The following TRPM7 variants were observed in gnomAD, a reference collection of about 807,000 sequenced individuals.
TRPM7 encodes LTRPC ion channel family member 7.
TRPM7 carries 134 observed loss-of-function variants against 229.7 expected under a neutral mutation model. The ratio of observed to expected loss-of-function variants is 0.58; its 90% CI spans 0.51 to 0.67. TRPM7 has a LOEUF of 0.67. TRPM7 is among the 30% of genes least tolerant of loss of function. The pLI is 0.00. For missense variants in TRPM7, 1,901 were observed against 2,210.0 expected (o/e 0.86, Z 2.80); for synonymous variants, 699 against 715.2 (o/e 0.98, Z 0.36).
rs779730661 is a variant in TRPM7, at chr15:50,614,232, A to G, written c.1526T>C (p.Leu509Pro). The G allele has an allele frequency of 1.2e-6, 2 of 1,610,354 alleles. No individual in the cohort carries two copies. The highest frequency in any genetic ancestry group is 1.7e-5 in the Admixed American group (1 of 58,786). ...TTCAATAACAAGTCCTATATCAATC[A>G]GAGTGATCTTATATCCTGGAGGAAG... Reference protein sequence around the residue: ...GNLPPGYKITLIDIGLVIEYL... With the variant: ...GNLPPGYKITPIDIGLVIEYL... The change falls in exon 14 of 39, where the codon CTG (leucine) becomes CCG (proline). Residue 509 changes from leucine to proline, a missense_variant. Coordinates refer to ENST00000646667, the MANE Select transcript of TRPM7 (RefSeq NM_017672.6).
At chr15:50,578,694 G>A (rs1283835145) in intron 30 of TRPM7, 30 bp from the exon 31 acceptor site, 4 of 1,542,668 alleles carry the variant, frequency 2.6e-6, no homozygotes, top group African/African-American at 2.7e-5. Flanking sequence ...TATAGTATAA[G>A]CTGTGCTATG....
intron 30 of TRPM7, 86 bp downstream of exon 30, chr15:50,580,788 A>G: frequency 8.1e-7 from 1 of 1,240,222 alleles, no homozygotes; most frequent in Middle Eastern, 2.0e-4. Flanking sequence ...AGAAATGTTA[A>G]AGAGATGATG....
chr15:50,648,635 T>A, intron 4 of TRPM7, 52 bp downstream of exon 4: 2 of 1,490,616 alleles, frequency 1.3e-6, no homozygotes, highest in East Asian at 2.3e-5. Context: ...AATTGTGATG[T>A]TTATTATTTA....
intron 27 of TRPM7, among the ~76,000 whole-genome samples, chr15:50,589,319 C>CA (rs34653276): frequency 0.025 from 2,057 of 81,052 alleles, 53 homozygotes; most frequent in African/African-American, 0.05. Context: ...GACTCCGTCT[C>CA]AAAAAAAAAA....
At chr15:50,679,961 C>T (rs1228530748) in intron 1 of TRPM7, among the ~76,000 whole-genome samples, 1 of 151,968 alleles carries the variant, frequency 6.6e-6, no homozygotes, top group Non-Finnish European at 1.5e-5. Context: ...CATGACCGGG[C>T]GGTGGCTCAC....
chr15:50,668,587 T>A (rs1481289920), intron 1 of TRPM7, among the ~76,000 whole-genome samples: 1 of 152,162 alleles, frequency 6.6e-6, no homozygotes, highest in Admixed American at 6.5e-5. Flanking sequence ...AGCTTACTGC[T>A]AACTCTGCCT....
chr15:50,611,392 C>T (rs1029923205), intron 16 of TRPM7, 71 bp from the exon 17 acceptor site: 21 of 1,109,018 alleles, frequency 1.9e-5, no homozygotes, highest in East Asian at 7.7e-5. Flanking sequence ...TTCTTATATA[C>T]ATTAATACTT....
chr15:50,632,717 C>G, intron 9 of TRPM7, 152 bp downstream of exon 9: 1 of 698,602 alleles, frequency 1.4e-6, no homozygotes, highest in South Asian at 2.6e-5. Context: ...TCAACTTGAA[C>G]AGACCAATAA....
chr15:50,599,221 G>T lies in TRPM7; in HGVS notation c.3064C>A (p.Leu1022Ile). 1.2e-6 allele frequency: 2 copies of T among 1,612,910 alleles called. No homozygotes were observed. Among genetic ancestry groups the T allele is most frequent in the Non-Finnish European group, 1.7e-6 (2 of 1,179,102 alleles). Residue 1022 changes from leucine to isoleucine, a missense_variant, in exon 22 of 39, where the codon CTT (leucine) becomes ATT (isoleucine). Transcript: ENST00000646667. ...CAAGATGGTGCTTCATGAGGATAAAGTATTGCCTTTCTGGGAACACCAAAA... is the reference window on the plus strand; with the variant it reads ...CAAGATGGTGCTTCATGAGGATAAATTATTGCCTTTCTGGGAACACCAAAA... ...LSFGVPRKAI[L>I]YPHEAPSWTL...
At chr15:50,602,700 G>A (rs765897538) in intron 21 of TRPM7, among the ~76,000 whole-genome samples, 4 of 152,096 alleles carry the variant, frequency 2.6e-5, no homozygotes, top group Non-Finnish European at 5.9e-5. Flanking sequence ...CCCCAGCTTA[G>A]TTTAACTCTT....
chr15:50,659,945 G>T (rs188737674), intron 2 of TRPM7, among the ~76,000 whole-genome samples: 2 of 152,084 alleles, frequency 1.3e-5, no homozygotes, highest in Non-Finnish European at 2.9e-5. Flanking sequence ...GATTACAGGC[G>T]TGAGCCACCA....
intron 7 of TRPM7, among the ~76,000 whole-genome samples, chr15:50,636,344 C>G (rs2060906850): frequency 6.6e-6 from 1 of 152,046 alleles, no homozygotes; most frequent in African/African-American, 2.4e-5. Context: ...GCACACGCCA[C>G]CACGCTCGGC....
At chr15:50,661,417 GAC>G (rs1263980974) in intron 2 of TRPM7, among the ~76,000 whole-genome samples, 6 of 152,254 alleles carry the variant, frequency 3.9e-5, no homozygotes, top group East Asian at 3.9e-4. Flanking sequence ...TATTAATAAT[GAC>G]AGTCTTAATG....
At chr15:50,608,140 T>C (rs1244803689) in intron 19 of TRPM7, among the ~76,000 whole-genome samples, 2 of 151,202 alleles carry the variant, frequency 1.3e-5, no homozygotes, top group African/African-American at 4.9e-5. Context: ...TTTTCTTAGC[T>C]CCCAGTCACT....
chr15:50,620,686 T>A (rs972997544), intron 12 of TRPM7, among the ~76,000 whole-genome samples: 1 of 152,196 alleles, frequency 6.6e-6, no homozygotes, highest in Non-Finnish European at 1.5e-5. Context: ...ATCCCAGCAC[T>A]TTGGGAGGCA....
At chr15:50,575,677 T>C in intron 33 of TRPM7, 47 bp downstream of exon 33, 1 of 1,512,872 alleles carries the variant, frequency 6.6e-7, no homozygotes, top group Non-Finnish European at 9.1e-7. Context: ...TAAAAATCAT[T>C]AAAGGGTTAA....
rs56298223 is a variant in TRPM7 at position 50,637,570 on chromosome 15, T to C, written c.684A>G (p.Leu228=). 3.7e-3 allele frequency: 5,946 copies of C among 1,613,816 alleles called. 11 individuals are homozygous for C. Among genetic ancestry groups the C allele is most frequent in the Admixed American group, 5.3e-3 (318 of 59,970 alleles). ...GRDVVAPYQT[L]LNPLSKLNVL... ...CATTCAATTTGCTCAGGGGGTTCAATAAGGTTTGATAAGGAGCAACCACCT... is the reference window on the plus strand; with the variant it reads ...CATTCAATTTGCTCAGGGGGTTCAACAAGGTTTGATAAGGAGCAACCACCT... The change falls in exon 7 of 39, where the codon TTA becomes TTG. Residue 228 remains leucine (L), a synonymous_variant. Transcript: ENST00000646667.
intron 1 of TRPM7, 87 bp from the exon 2 acceptor site, chr15:50,663,133 CTT>C (rs370350578): frequency 9.7e-4 from 777 of 797,914 alleles, no homozygotes; most frequent in South Asian, 1.3e-3. Flanking sequence ...ATAAACAGTT[CTT>C]TTTTTTTTTT....
chr15:50,636,436 C>T (rs578237660), intron 7 of TRPM7, among the ~76,000 whole-genome samples: 12 of 152,106 alleles, frequency 7.9e-5, no homozygotes, highest in Non-Finnish European at 1.5e-4. Flanking sequence ...GGTGATCCAC[C>T]CACCTCGGCC....
Sources: gnomAD v4.1 joint callset for allele counts (sites outside exome capture counted in the v4.1 genomes callset) on GRCh38, gnomAD v4.1.1 for gene constraint, MANE v1.5 for transcripts, NCBI Gene and HGNC (gene_info 2026-07-23, HGNC 2026-07-21) for gene names.